TXN: variants seen among roughly 807,000 people sequenced by gnomAD.
TXN encodes the protein thioredoxin, also known as ADF.
A neutral mutation model predicts 16.5 loss-of-function variants in TXN; 10 were observed. The ratio of observed to expected loss-of-function variants is 0.61; its 90% confidence interval spans 0.37 to 1.03. TXN has a LOEUF of 1.03. Among genes scored for constraint, TXN ranks in the 50% least tolerant of loss-of-function variants. The pLI is 0.01. For missense variants in TXN, 71 were observed against 122.5 expected (o/e 0.58, Z 1.98); for synonymous variants, 35 against 39.4 (o/e 0.89, Z 0.42).
intron 2 of TXN, 67 bp downstream of exon 2, chr9:110,251,291 C>T: frequency 1.7e-6 from 2 of 1,196,192 alleles, no homozygotes; most frequent in Middle Eastern, 2.8e-4. Flanking sequence ...TCTTTCTTTC[C>T]TACCACTGTG....
intron 3 of TXN, among the ~76,000 whole-genome samples, chr9:110,249,046 A>C (rs961137241): frequency 7.0e-6 from 1 of 142,100 alleles, no homozygotes; most frequent in Non-Finnish European, 1.5e-5. Context: ...AGGATTGCTT[A>C]AACCCGGGAG....
chr9:110,250,366 T>C (rs906264154), intron 3 of TXN, among the ~76,000 whole-genome samples: 1 of 152,218 alleles, frequency 6.6e-6, no homozygotes, highest in African/African-American at 2.4e-5. Flanking sequence ...TGTTAAAACA[T>C]TTGTGGTTTC....
rs1837630472 is a variant in TXN, at chr9:110,245,171, A to T, written c.190-328T>A. On this transcript the variant is annotated intron_variant, in intron 3 of 4. Transcript: ENST00000374517. Reference sequence around the variant, plus strand: ...TCCAATCAAATTTTCAACTATTTTAAGTATCATACAAAGAAGCAACAAAAA... The same window carrying T: ...TCCAATCAAATTTTCAACTATTTTATGTATCATACAAAGAAGCAACAAAAA... 2.7e-5 allele frequency: 5 copies of T among 184,292 alleles called. No individual in the cohort carries two copies. In the South Asian group the frequency reaches 5.9e-4, roughly 22 times the overall value. 11.4% of individuals were successfully genotyped at this position (184,292 alleles called of 1,614,324 possible).
rs772994438 is a variant in TXN at position 110,256,439 on chromosome 9, G to T, written c.-4C>A. On this transcript the variant is annotated 5_prime_UTR_variant, in exon 1 of 5. Transcript: ENST00000374517. The surrounding 1 kb of genome is among the most constrained non-coding windows in gnomAD (Gnocchi z 4.2). ...TGCTCTCGATCTGCTTCACCATCTT[G>T]GCTGCTGGAGTCTGACGAGCGGCTG... 1.9e-6 allele frequency: 3 copies of T among 1,606,654 alleles called. No homozygotes were observed. The African/African-American group carries it at 4.0e-5, about 22-fold the overall frequency.
In TXN at chr9:110,256,168, GC is replaced by G. The variant is rs1216934988; in HGVS notation, c.24+243del. ...GAGAAACGCTGGGCACCGCCACTCC[GC>G]CCTCCAGGGGACCCTCGTCCTTCTC... On this transcript the variant is annotated intron_variant, in intron 1 of 4. Coordinates refer to ENST00000374517, the MANE Select transcript of TXN (RefSeq NM_003329.4). The surrounding 1 kb of genome is among the most constrained non-coding windows in gnomAD (Gnocchi z 4.2). Among the ~76,000 whole-genome samples, 3 of 152,116 alleles carry G rather than the reference GC, an allele frequency of 2.0e-5. No homozygotes were observed. The highest frequency in any genetic ancestry group is 4.4e-5 in the Non-Finnish European group (3 of 68,006).
chr9:110,249,562 A>C (rs556423058), intron 3 of TXN, among the ~76,000 whole-genome samples: 1 of 152,246 alleles, frequency 6.6e-6, no homozygotes, highest in East Asian at 1.9e-4. Context: ...CGGTAAGTGG[A>C]GAAGGGGTGA....
intron 3 of TXN, among the ~76,000 whole-genome samples, chr9:110,247,290 T>C (rs1191398873): frequency 1.1e-4 from 16 of 143,212 alleles, no homozygotes; most frequent in African/African-American, 4.2e-4. Flanking sequence ...ACCACTGCAC[T>C]CCAGCCTGGG....
intron 1 of TXN, among the ~76,000 whole-genome samples, chr9:110,255,342 T>C (rs1055722809): frequency 1.3e-5 from 2 of 152,238 alleles, no homozygotes; most frequent in Non-Finnish European, 2.9e-5. Flanking sequence ...CTGGAGTGGC[T>C]ACATTGGACT....
Position 110,250,746 on chromosome 9 carries a change from A to G in TXN, c.189+74T>C, listed in dbSNP as rs897717775. On this transcript the variant is annotated intron_variant, in intron 3 of 4. Coordinates refer to ENST00000374517, the MANE Select transcript of TXN (RefSeq NM_003329.4). ...AGAATTATTTGACATATTTATGGAA[A>G]AAAGCACTGTGCAATTCAGAGAAAA... is the stretch of plus-strand genomic sequence containing the variant. 8.6e-5 allele frequency: 99 copies of G among 1,150,534 alleles called. 1 individual carries two copies. In the Middle Eastern group the frequency reaches 1.4e-3, roughly 16 times the overall value. 71.3% of individuals were successfully genotyped at this position (1,150,534 alleles called of 1,614,324 possible).
At chr9:110,251,720 C>CGAA (rs1837741258) in intron 1 of TXN, among the ~76,000 whole-genome samples, 1 of 150,976 alleles carries the variant, frequency 6.6e-6, no homozygotes, top group Non-Finnish European at 1.5e-5. Flanking sequence ...CTGACATTCT[C>CGAA]TTCATAACTA....
intron 1 of TXN, among the ~76,000 whole-genome samples, chr9:110,254,425 G>C (rs1837779760): frequency 6.6e-6 from 1 of 152,238 alleles, no homozygotes; most frequent in Admixed American, 6.5e-5. Flanking sequence ...AGGAGGCTGA[G>C]GCAAGAGAAT....
At chr9:110,249,306 T>TAA (rs1163286935) in intron 3 of TXN, among the ~76,000 whole-genome samples, 8 of 112,314 alleles carry the variant, frequency 7.1e-5, no homozygotes, top group African/African-American at 1.5e-4. Context: ...TACACTCTTT[T>TAA]TAAAAAAAAA....
intron 1 of TXN, among the ~76,000 whole-genome samples, chr9:110,253,479 G>T (rs529675361): frequency 6.6e-6 from 1 of 152,256 alleles, no homozygotes; most frequent in Non-Finnish European, 1.5e-5. Flanking sequence ...ATCCTTTATT[G>T]CAAGATCCAG....
At chr9:110,247,489 A>G (rs1320909114) in intron 3 of TXN, among the ~76,000 whole-genome samples, 2 of 152,184 alleles carry the variant, frequency 1.3e-5, no homozygotes, top group African/African-American at 4.8e-5. Flanking sequence ...TGGTCCCATA[A>G]GATTATAATG....
In TXN at chr9:110,245,648, ATATATATTTTTTTTTT is replaced by A. The variant is rs1255616825; in HGVS notation, c.190-821_190-806del. 2.5e-4 allele frequency among the ~76,000 whole-genome samples: 6 copies of A among 23,534 alleles called. No homozygotes were observed. In the East Asian group the frequency reaches 8.1e-3, roughly 32 times the overall value. 15.4% of individuals were successfully genotyped at this position (23,534 alleles called of 152,430 possible). A position where few individuals can be genotyped will look rare whatever the true frequency, so the allele number is the denominator to read the frequency against. On this transcript the variant is annotated intron_variant, in intron 3 of 4. Transcript: ENST00000374517. ...TATATATATATATATATATATATAT[ATATATATTTTTTTTTT>A]TTTTTTTTTATAGGGACAAGGTCTC... is the stretch of plus-strand genomic sequence containing the variant.
In TXN at chr9:110,244,110, A is replaced by G. The variant is rs751659736; in HGVS notation, c.*47T>C. On this transcript the variant is annotated 3_prime_UTR_variant, in exon 5 of 5. Transcript: ENST00000374517. ...TATATTTTTGTAAATTAAAAAAATT[A>G]CAAGTTTTAAATAGCCAATGGCTGG... 8.1e-7 allele frequency: 1 copy of G among 1,237,768 alleles called. No homozygotes were observed. The highest frequency in any genetic ancestry group is 1.1e-6 in the Non-Finnish European group (1 of 912,698). 76.7% of individuals were successfully genotyped at this position (1,237,768 alleles called of 1,614,324 possible). A position where few individuals can be genotyped will look rare whatever the true frequency, so the allele number is the denominator to read the frequency against.
Position 110,256,080 on chromosome 9 carries a change from T to C in TXN, c.24+332A>G, listed in dbSNP as rs1015054887. Among the ~76,000 whole-genome samples the C allele has an allele frequency of 6.6e-6, 1 of 152,168 alleles. No homozygotes were observed. Among genetic ancestry groups the C allele is most frequent in the African/African-American group, 2.4e-5 (1 of 41,452 alleles). Reference sequence around the variant, plus strand: ...CGCAGCGTGGGGACTCCTCACGCTGTCTGCGCTCTCACATCCCCCGGACGC... The same window carrying C: ...CGCAGCGTGGGGACTCCTCACGCTGCCTGCGCTCTCACATCCCCCGGACGC... On this transcript the variant is annotated intron_variant, in intron 1 of 4. Coordinates refer to ENST00000374517, the MANE Select transcript of TXN (RefSeq NM_003329.4). This position sits in a 1 kb window ranked among gnomAD's most constrained non-coding sequence, Gnocchi z 4.2.
intron 3 of TXN, among the ~76,000 whole-genome samples, chr9:110,249,125 C>CAAAAAAAAAAAAAA (rs71302631): frequency 1.9e-5 from 1 of 53,846 alleles, no homozygotes; most frequent in African/African-American, 6.9e-5. Context: ...AACTCCATCT[C>CAAAAAAAAAAAAAA]AAAAAAAAAA....
intron 1 of TXN, among the ~76,000 whole-genome samples, chr9:110,255,991 C>T (rs4135159): frequency 6.6e-6 from 1 of 152,062 alleles, no homozygotes; most frequent in Non-Finnish European, 1.5e-5. Flanking sequence ...GGGCCAAGGG[C>T]GGACCCCTTC....
Sources: gnomAD v4.1 joint callset for allele counts (sites outside exome capture counted in the v4.1 genomes callset) on GRCh38, gnomAD v4.1.1 for gene constraint, Gnocchi (gnomAD v3.1) non-coding constraint, MANE v1.5 for transcripts, NCBI Gene and HGNC (gene_info 2026-07-23, HGNC 2026-07-21) for gene names.